SPATA33: variants seen among roughly 807,000 people sequenced by gnomAD.
SPATA33 encodes spermatogenesis-associated protein 33.
A neutral mutation model predicts 8.9 loss-of-function variants in SPATA33; 10 were observed. The ratio of observed to expected loss-of-function variants is 1.12; its 90% confidence interval spans 0.69 to 1.90. SPATA33 has a LOEUF of 1.90. Ranked by LOEUF, SPATA33 falls within the 40% of genes most tolerant of loss-of-function variation. SPATA33 has a pLI of 0.00. For missense variants in SPATA33, 241 were observed against 178.3 expected (o/e 1.35, Z -2.00); for synonymous variants, 96 against 72.8 (o/e 1.32, Z -1.63).
At chr16:89,664,112 C>T (rs954201123) in intron 2 of SPATA33, among the ~76,000 whole-genome samples, 3 of 152,122 alleles carry the variant, frequency 2.0e-5, no homozygotes, top group African/African-American at 7.2e-5. Flanking sequence ...GAGTAAGACC[C>T]TATTTATGCT....
chr16:89,665,373 C>G (rs1234989682), intron 2 of SPATA33, among the ~76,000 whole-genome samples: 1 of 151,748 alleles, frequency 6.6e-6, no homozygotes, highest in African/African-American at 2.4e-5. Context: ...TGGTGCATCT[C>G]TGCTCACTGC....
chr16:89,662,763 G>C (rs1166139202), intron 2 of SPATA33, among the ~76,000 whole-genome samples: 1 of 151,246 alleles, frequency 6.6e-6, no homozygotes, highest in Non-Finnish European at 1.5e-5. Context: ...GAGCCACCAC[G>C]CCCAGCCTGT....
intron 2 of SPATA33, among the ~76,000 whole-genome samples, chr16:89,667,468 C>G (rs1003076776): frequency 6.6e-6 from 1 of 152,116 alleles, no homozygotes; most frequent in South Asian, 2.1e-4. Flanking sequence ...TTTTATTACA[C>G]TGGAACAGCT....
At chr16:89,662,486 G>A (rs1037806782) in intron 2 of SPATA33, among the ~76,000 whole-genome samples, 7 of 151,042 alleles carry the variant, frequency 4.6e-5, no homozygotes, top group South Asian at 2.1e-4. Flanking sequence ...GCATGATCTC[G>A]GGTCTCAACT....
chr16:89,661,183 A>T, intron 2 of SPATA33: 6 of 985,466 alleles, frequency 6.1e-6, no homozygotes, highest in Non-Finnish European at 6.0e-6. Context: ...CCATAAGTTA[A>T]TCACTGTGGC....
At position 89,657,884 on chromosome 16, in the gene SPATA33, T is replaced by C; in HGVS notation, c.-28T>C. The C allele has an allele frequency of 6.6e-7, 1 of 1,516,218 alleles. No homozygotes were observed. The allele number at this position is 1,516,218 out of a possible 1,614,324, so 93.9% of individuals were successfully genotyped here. Reference sequence around the variant, plus strand: ...CCGCGGAGGTGTGGGGACCCGGGCTTGCGTCGGAGGGGGCGGTGGGCTCAC... The same window carrying C: ...CCGCGGAGGTGTGGGGACCCGGGCTCGCGTCGGAGGGGGCGGTGGGCTCAC... On this transcript the variant is annotated 5_prime_UTR_variant, in exon 1 of 3. Transcript: ENST00000579310.
intron 1 of SPATA33, 78 bp downstream of exon 1, chr16:89,658,026 G>A (rs1458555506): frequency 6.8e-7 from 1 of 1,472,818 alleles, no homozygotes; most frequent in South Asian, 1.4e-5. Context: ...GGCTGGGCGG[G>A]GCGGTGTGAG....
At chr16:89,658,009 G>A in intron 1 of SPATA33, 61 bp downstream of exon 1, 1 of 1,491,912 alleles carries the variant, frequency 6.7e-7, no homozygotes, top group Non-Finnish European at 8.8e-7. Flanking sequence ...GGCCCAGGGC[G>A]GGGCTGGGCT....
intron 2 of SPATA33, chr16:89,659,231 C>G (rs1265910207): frequency 1.3e-5 from 2 of 152,354 alleles, no homozygotes; most frequent in East Asian, 1.9e-4. Context: ...GTGGCCCGGT[C>G]AGAGACCCAT....
rs1480326977 is a variant in SPATA33 at position 89,657,877 on chromosome 16, C to G, written c.-35C>G. Reference sequence around the variant, plus strand: ...TCCGCGGCCGCGGAGGTGTGGGGACCCGGGCTTGCGTCGGAGGGGGCGGTG... The same window carrying G: ...TCCGCGGCCGCGGAGGTGTGGGGACGCGGGCTTGCGTCGGAGGGGGCGGTG... On this transcript the variant is annotated 5_prime_UTR_variant, in exon 1 of 3. Coordinates refer to ENST00000579310, the MANE Select transcript of SPATA33 (RefSeq NM_001271907.2). 20 of 1,515,300 alleles carry G rather than the reference C, an allele frequency of 1.3e-5. No homozygotes were observed. The highest frequency in any genetic ancestry group is 2.6e-5 in the East Asian group (1 of 37,944). 93.9% of individuals were successfully genotyped at this position (1,515,300 alleles called of 1,614,324 possible).
chr16:89,662,076 G>A (rs2059972424), intron 2 of SPATA33, among the ~76,000 whole-genome samples: 1 of 152,132 alleles, frequency 6.6e-6, no homozygotes, highest in African/African-American at 2.4e-5. Context: ...TGGATCACTT[G>A]AGGTCAGGAG....
intron 2 of SPATA33, chr16:89,660,182 G>A (rs1054332394): frequency 6.6e-5 from 15 of 225,632 alleles, no homozygotes; most frequent in East Asian, 8.9e-5. Context: ...CACAGCCCCC[G>A]ATGAGTGTAC....
chr16:89,668,325 A>G (rs922665471), intron 2 of SPATA33, among the ~76,000 whole-genome samples: 3 of 152,236 alleles, frequency 2.0e-5, no homozygotes, highest in Admixed American at 6.5e-5. Context: ...AACTAAGAAG[A>G]AGATTAATAA....
intron 1 of SPATA33, 128 bp downstream of exon 1, chr16:89,658,076 C>A: frequency 1.4e-6 from 2 of 1,471,558 alleles, no homozygotes; most frequent in East Asian, 2.4e-5. Context: ...CCGTTCCTGC[C>A]GCCGAGTCCG....
At chr16:89,661,152 C>CATT in intron 2 of SPATA33, 1 of 985,406 alleles carries the variant, frequency 1.0e-6, no homozygotes, top group Non-Finnish European at 1.2e-6. Flanking sequence ...ACAGAAGGGC[C>CATT]ATGATGGGGA....
At chr16:89,666,754 A>G (rs566575698) in intron 2 of SPATA33, among the ~76,000 whole-genome samples, 44 of 152,294 alleles carry the variant, frequency 2.9e-4, no homozygotes, top group African/African-American at 9.6e-4. Context: ...GCCATCTCCA[A>G]TGATAGGTGA....
At position 89,658,300 on chromosome 16, in the gene SPATA33, G is replaced by T. The variant is rs1004731547; in HGVS notation, c.90G>T (p.Lys30Asn). The T allele has an allele frequency of 5.6e-6, 9 of 1,614,068 alleles. No individual in the cohort carries two copies. The highest frequency in any genetic ancestry group is 5.9e-6 in the Non-Finnish European group (7 of 1,180,044). Reference protein sequence around the residue: ...STYSVPKSKEKLMEKHSQEAR... With the variant: ...STYSVPKSKENLMEKHSQEAR... ...ATTCAGTTCCAAAATCTAAGGAGAA[G>T]TTGATGGAGAAGCATTCCCAGGAAG... The change falls in exon 2 of 3, where the codon AAG becomes AAT. Residue 30 changes from lysine (K) to asparagine (N), a missense_variant. Coordinates refer to ENST00000579310, the MANE Select transcript of SPATA33 (RefSeq NM_001271907.2).
At chr16:89,668,927 T>G (rs2060061350) in intron 2 of SPATA33, among the ~76,000 whole-genome samples, 1 of 152,180 alleles carries the variant, frequency 6.6e-6, no homozygotes, top group African/African-American at 2.4e-5. Context: ...ATTAGAGACC[T>G]TTGGAGTGGA....
rs896653426 is a variant in SPATA33 at position 89,669,333 on chromosome 16, C to G, written c.259C>G (p.Pro87Ala). The change falls in exon 3 of 3, where the codon CCA (proline) becomes GCA (alanine). Residue 87 changes from proline to alanine, a missense_variant. Pro to Ala is a conservative substitution (Grantham distance 27). Transcript: ENST00000579310. ...QKSSRKKVVV[P>A]QIIITRASNE... ...GTCCAGCAGGAAGAAAGTGGTCGTT[C>G]CACAGATCATCATCACGCGAGCGTC... is the stretch of plus-strand genomic sequence containing the variant. The G allele has an allele frequency of 6.2e-7, 1 of 1,614,196 alleles. No individual in the cohort carries two copies. Among genetic ancestry groups the G allele is most frequent in the East Asian group, 2.2e-5 (1 of 44,880 alleles).
Sources: gnomAD v4.1 joint callset for allele counts (sites outside exome capture counted in the v4.1 genomes callset) on GRCh38, gnomAD v4.1.1 for gene constraint, MANE v1.5 for transcripts, NCBI Gene and HGNC (gene_info 2026-07-23, HGNC 2026-07-21) for gene names.